Variants in RANBP17 observed in about 807,000 individuals in gnomAD.
RANBP17 encodes RAN binding protein 17.
RANBP17 carries 158 observed loss-of-function variants against 141.2 expected under a neutral mutation model. The ratio of observed to expected loss-of-function variants is 1.12; its 90% CI spans 0.98 to 1.28. The LOEUF is 1.28. Ranked by LOEUF, RANBP17 falls within the 50% of genes most tolerant of loss-of-function variation. RANBP17 has a pLI of 0.00. For synonymous variants in RANBP17, 430 were observed against 450.0 expected (o/e 0.96, Z 0.56); for missense variants, 1,438 against 1,290.7 (o/e 1.11, Z -1.75).
intron 14 of RANBP17, among the ~76,000 whole-genome samples, chr5:171,097,998 G>C (rs1345400584): frequency 6.6e-6 from 1 of 152,050 alleles, no homozygotes; most frequent in Non-Finnish European, 1.5e-5. Context: ...AGTATTCCAT[G>C]GTGTATATGT....
intron 25 of RANBP17, among the ~76,000 whole-genome samples, chr5:171,283,978 G>A (rs1219077509): frequency 3.3e-5 from 5 of 152,120 alleles, no homozygotes; most frequent in South Asian, 2.1e-4. Context: ...AGACGCCCTC[G>A]TGCCATTATG....
chr5:171,259,668 G>A (rs918153557), intron 24 of RANBP17, among the ~76,000 whole-genome samples: 2 of 152,158 alleles, frequency 1.3e-5, no homozygotes, highest in Admixed American at 1.3e-4. Flanking sequence ...TTAATCACGT[G>A]GAGGTAGAGA....
intron 22 of RANBP17, among the ~76,000 whole-genome samples, chr5:171,228,115 A>G (rs1266648641): frequency 6.6e-6 from 1 of 152,228 alleles, no homozygotes; most frequent in Non-Finnish European, 1.5e-5. Flanking sequence ...TATCAGAAAT[A>G]CATTCTGTAA....
At chr5:171,044,733 T>C (rs1782461340) in intron 14 of RANBP17, among the ~76,000 whole-genome samples, 1 of 152,114 alleles carries the variant, frequency 6.6e-6, no homozygotes. Context: ...CCCTCAAATA[T>C]AATGGTTTAC....
In RANBP17 at chr5:170,878,079, A is replaced by C; in HGVS notation, c.19-18A>C. On this transcript the variant is annotated intron_variant, in intron 1 of 27. Transcript: ENST00000523189. ...TTTTTTTCATTGAAGTAAAATGTTA[A>C]TTTTTTTTTCTTTGAAGAGTTTGGC... is the stretch of plus-strand genomic sequence containing the variant. 5.3e-6 allele frequency: 8 copies of C among 1,515,846 alleles called. No individual in the cohort carries two copies. The highest frequency in any genetic ancestry group is 7.1e-6 in the Non-Finnish European group (8 of 1,124,874). The allele number at this position is 1,515,846 out of a possible 1,614,324, so 93.9% of individuals were successfully genotyped here.
At chr5:171,040,008 C>T (rs1182014905) in intron 14 of RANBP17, among the ~76,000 whole-genome samples, 3 of 152,024 alleles carry the variant, frequency 2.0e-5, no homozygotes, top group African/African-American at 4.8e-5. Context: ...AAGTGCTCCT[C>T]CCTAACTCAT....
chr5:170,969,526 T>G (rs559359423), intron 14 of RANBP17, among the ~76,000 whole-genome samples: 1 of 152,116 alleles, frequency 6.6e-6, no homozygotes, highest in South Asian at 2.1e-4. Flanking sequence ...TTTTCTTGTT[T>G]AATATGTCCA....
intron 14 of RANBP17, among the ~76,000 whole-genome samples, chr5:171,162,748 C>T (rs1759438324): frequency 6.6e-6 from 1 of 152,042 alleles, no homozygotes; most frequent in Non-Finnish European, 1.5e-5. Flanking sequence ...ATGTTCTTAG[C>T]CATGCATCAG....
intron 14 of RANBP17, among the ~76,000 whole-genome samples, chr5:171,066,815 T>G (rs1449287523): frequency 6.6e-6 from 1 of 152,158 alleles, no homozygotes; most frequent in Non-Finnish European, 1.5e-5. Flanking sequence ...CAGATCTTTT[T>G]TAAAAAAAGT....
chr5:171,160,939 C>T (rs760717856), intron 14 of RANBP17, among the ~76,000 whole-genome samples: 5 of 152,026 alleles, frequency 3.3e-5, no homozygotes, highest in African/African-American at 7.2e-5. Context: ...ATTACAGGCG[C>T]GTGCCACCAC....
At chr5:170,923,329 A>G (rs1410091658) in intron 11 of RANBP17, among the ~76,000 whole-genome samples, 5 of 152,132 alleles carry the variant, frequency 3.3e-5, no homozygotes, top group African/African-American at 4.8e-5. Flanking sequence ...ATGTAGTTCT[A>G]TTTCTGGACT....
chr5:171,188,013 G>A (rs79506622), intron 18 of RANBP17, among the ~76,000 whole-genome samples: 9,305 of 152,070 alleles, frequency 0.061, 371 homozygotes, highest in East Asian at 0.12. Context: ...AAATGGAAAG[G>A]GGACTACACC....
At chr5:171,038,194 G>GTA (rs1215177645) in intron 14 of RANBP17, among the ~76,000 whole-genome samples, 1 of 149,764 alleles carries the variant, frequency 6.7e-6, no homozygotes, top group African/African-American at 2.5e-5. Flanking sequence ...GTGTGTGTGT[G>GTA]TGCACGTGCA....
At chr5:171,089,001 G>T (rs942438302) in intron 14 of RANBP17, among the ~76,000 whole-genome samples, 4 of 151,806 alleles carry the variant, frequency 2.6e-5, no homozygotes, top group African/African-American at 4.8e-5. Context: ...TTCCGTTGCT[G>T]GTGAGGAACT....
At chr5:171,030,382 T>C (rs1388466568) in intron 14 of RANBP17, among the ~76,000 whole-genome samples, 1 of 152,076 alleles carries the variant, frequency 6.6e-6, no homozygotes, top group African/African-American at 2.4e-5. Context: ...TAGTATGGAC[T>C]TAGAAATTGT....
At chr5:171,278,823 G>A (rs924883524) in intron 25 of RANBP17, among the ~76,000 whole-genome samples, 1 of 152,102 alleles carries the variant, frequency 6.6e-6, no homozygotes, top group Admixed American at 6.5e-5. Flanking sequence ...CTCTTGACTC[G>A]GGAGAGTTGT....
At chr5:170,934,027 CATT>C (rs1773642395) in intron 12 of RANBP17, among the ~76,000 whole-genome samples, 1 of 152,112 alleles carries the variant, frequency 6.6e-6, no homozygotes, top group South Asian at 2.1e-4. Flanking sequence ...TAAAATCTCC[CATT>C]ATTATTGTAC....
intron 25 of RANBP17, among the ~76,000 whole-genome samples, chr5:171,290,524 T>G (rs1394681887): frequency 6.6e-6 from 1 of 152,198 alleles, no homozygotes; most frequent in Non-Finnish European, 1.5e-5. Context: ...TCACACAACA[T>G]TGCTTTGTTT....
intron 14 of RANBP17, among the ~76,000 whole-genome samples, chr5:171,062,217 G>T (rs1182306891): frequency 6.6e-6 from 1 of 151,988 alleles, no homozygotes; most frequent in Admixed American, 6.6e-5. Context: ...GTTAGCTGGT[G>T]ATTTTGCTCG....
Sources: allele counts gnomAD v4.1 joint callset (sites outside exome capture counted in the v4.1 genomes callset), GRCh38; gene constraint gnomAD v4.1.1; transcripts MANE v1.5; gene names NCBI Gene and HGNC (gene_info 2026-07-23, HGNC 2026-07-21).